Variants in MANBA observed in about 807,000 individuals in gnomAD.
The protein encoded by MANBA is mannosidase beta.
Under a neutral mutation model 111.1 loss-of-function variants are expected in MANBA, and 83 were observed. The observed-to-expected ratio is 0.75, with a 90% confidence interval of 0.63 to 0.90. The LOEUF (loss-of-function observed/expected upper bound fraction) is 0.90, where lower values mean the gene tolerates loss of function less well. Ranked by LOEUF, MANBA falls within the 40% of genes least tolerant of loss-of-function variation. MANBA has a pLI of 0.00. For synonymous variants in MANBA, 370 were observed against 378.7 expected, an observed-to-expected ratio of 0.98 and a Z score of 0.27; for missense variants, 1,036 against 1,069.0, an observed-to-expected ratio of 0.97 and a Z score of 0.43.
intron 10 of MANBA, 156 bp downstream of exon 10, chr4:102,668,807 C>A: frequency 1.5e-6 from 1 of 661,484 alleles, no homozygotes; most frequent in Non-Finnish European, 2.8e-6. Context: ...AAAGCCATGA[C>A]ACTGGGTACA....
Position 102,746,041 on chromosome 4 carries a change from A to G in MANBA, c.177+14677T>C, listed in dbSNP as rs553090919. Among the ~76,000 whole-genome samples the G allele has an allele frequency of 6.2e-4, 95 of 152,334 alleles. 1 individual carries two copies. Among genetic ancestry groups the G allele is most frequent in the African/African-American group, 2.2e-3 (92 of 41,570 alleles). On this transcript the variant is annotated intron_variant, in intron 1 of 16. Coordinates refer to ENST00000647097, the MANE Select transcript of MANBA (RefSeq NM_005908.4). ...AGAGGAGGCCATCACTGTTGCCTCC[A>G]GGCAGCGCATGGTTTATCTCCTCAG...
intron 16 of MANBA, among the ~76,000 whole-genome samples, chr4:102,633,872 C>T (rs1047202093): frequency 5.4e-5 from 8 of 149,344 alleles, no homozygotes; most frequent in Non-Finnish European, 1.0e-4. Context: ...TATTATGTGA[C>T]TATAGAAAGA....
In MANBA at chr4:102,760,880, C is replaced by T; in HGVS notation, c.15G>A (p.Leu5=). The change falls in exon 1 of 17, where the codon CTG becomes CTA. Residue 5 remains leucine (L), a synonymous_variant. Transcript: ENST00000647097. ...CACCGCACAGCGCGAGCAGCAGGAG[C>T]AGGTGGAGGCGCATCTTGAGATCCC... The part of the protein sequence containing the change: MRLH[L]LLLLALCGAG... 2 of 1,569,306 alleles carry T rather than the reference C, an allele frequency of 1.3e-6. No individual in the cohort carries two copies. Among genetic ancestry groups the T allele is most frequent in the South Asian group, 2.3e-5 (2 of 85,802 alleles).
rs1578939752 is a variant in MANBA at position 102,723,936 on chromosome 4, C to T, written c.304G>A (p.Gly102Arg). The T allele has an allele frequency of 6.2e-7, 1 of 1,610,300 alleles. No individual in the cohort carries two copies. Among genetic ancestry groups the T allele is most frequent in the East Asian group, 2.2e-5 (1 of 44,758 alleles). Residue 102 changes from glycine (G) to arginine (R), a missense_variant, in exon 3 of 17, where the codon GGA (glycine) becomes AGA (arginine). Coordinates refer to ENST00000647097, the MANE Select transcript of MANBA (RefSeq NM_005908.4). ...AGGATTTTTGAAACCGTATCCACTC[C>T]CTCAAGAATCAAATTTACTTTTTGC... ...KWQKVNLILE[G>R]VDTVSKILFN...
intron 1 of MANBA, among the ~76,000 whole-genome samples, chr4:102,753,484 G>T (rs1055088260): frequency 1.8e-4 from 28 of 152,204 alleles, no homozygotes; most frequent in Non-Finnish European, 3.4e-4. Flanking sequence ...CATGATAAAA[G>T]TAATATATCA....
chr4:102,718,422 G>A (rs938109830), intron 4 of MANBA, among the ~76,000 whole-genome samples: 2 of 151,940 alleles, frequency 1.3e-5, no homozygotes, highest in South Asian at 2.1e-4. Context: ...GCCTAGAGAG[G>A]GTATAAAATG....
At chr4:102,639,626 C>A in intron 14 of MANBA, 87 bp downstream of exon 14, 1 of 1,561,386 alleles carries the variant, frequency 6.4e-7, no homozygotes, top group Non-Finnish European at 8.8e-7. Context: ...CTGGGCTAAT[C>A]TGACCCCTCC....
chr4:102,683,214 G>A lies in MANBA; in HGVS notation c.960+6360C>T, dbSNP rs1732062584. ...TGAAAAAGAAAAAAAAATCCCAATT[G>A]TTTTTCTAATTGTAGTAGCCATGGA... On this transcript the variant is annotated intron_variant, in intron 7 of 16. Coordinates refer to ENST00000647097, the MANE Select transcript of MANBA (RefSeq NM_005908.4). Among the ~76,000 whole-genome samples, 5 of 151,514 alleles carry A rather than the reference G, an allele frequency of 3.3e-5. No homozygotes were observed. In the South Asian group the frequency reaches 1.0e-3, roughly 31 times the overall value.
At chr4:102,704,663 A>G (rs1733217524) in intron 5 of MANBA, among the ~76,000 whole-genome samples, 1 of 152,128 alleles carries the variant, frequency 6.6e-6, no homozygotes, top group Admixed American at 6.5e-5. Flanking sequence ...ACATTAGCTT[A>G]TTCTTTTATT....
At chr4:102,726,531 G>C in intron 2 of MANBA, 58 bp downstream of exon 2, 1 of 920,306 alleles carries the variant, frequency 1.1e-6, no homozygotes, top group South Asian at 1.4e-5. Context: ...TTTTTGCCCA[G>C]ATAGAAAAAG....
At chr4:102,691,514 C>CTT (rs544931674) in intron 5 of MANBA, among the ~76,000 whole-genome samples, 27 of 137,066 alleles carry the variant, frequency 2.0e-4, no homozygotes, top group African/African-American at 6.4e-4. Context: ...TTTCTTTTTC[C>CTT]TTTTTTTTTT....
intron 1 of MANBA, chr4:102,730,722 T>G (rs1560803333): frequency 5.7e-6 from 3 of 526,780 alleles, no homozygotes; most frequent in East Asian, 5.4e-5. Flanking sequence ...TCCCTACAGA[T>G]AGATGCTTCT....
In MANBA at chr4:102,750,661, C is replaced by A. The variant is rs142179758; in HGVS notation, c.177+10057G>T. 4.7e-3 allele frequency among the ~76,000 whole-genome samples: 723 copies of A among 152,242 alleles called. 5 individuals are homozygous for A. Among genetic ancestry groups the A allele is most frequent in the Middle Eastern group, 0.034 (10 of 294 alleles). ...GGAGCAGCGGTTCACACCTGTAATC[C>A]CTACACTTTGGGAGGCCGAGGTGGG... On this transcript the variant is annotated intron_variant, in intron 1 of 16. Coordinates refer to ENST00000647097, the MANE Select transcript of MANBA (RefSeq NM_005908.4).
At chr4:102,651,938 T>G (rs1383582473) in intron 12 of MANBA, among the ~76,000 whole-genome samples, 2 of 142,992 alleles carry the variant, frequency 1.4e-5, no homozygotes, top group African/African-American at 2.5e-5. Flanking sequence ...TTCCTCCTCT[T>G]AATTTATTTT....
chr4:102,664,474 G>A lies in MANBA; in HGVS notation c.1485+211C>T, dbSNP rs796652024. Among the ~76,000 whole-genome samples, 18 of 151,480 alleles carry A rather than the reference G, an allele frequency of 1.2e-4. 1 individual carries two copies. The highest frequency in any genetic ancestry group is 4.4e-4 in the African/African-American group (18 of 41,262). On this transcript the variant is annotated intron_variant, in intron 11 of 16. Coordinates refer to ENST00000647097, the MANE Select transcript of MANBA (RefSeq NM_005908.4). ...CGCCATGCTCCTGCCTCAGCCTCCC[G>A]AGTAGCTGGGACTACAGGCGCCCGC...
At chr4:102,654,274 T>A (rs1424374527) in intron 12 of MANBA, among the ~76,000 whole-genome samples, 1 of 152,152 alleles carries the variant, frequency 6.6e-6, no homozygotes, top group Non-Finnish European at 1.5e-5. Context: ...AACAACAGTA[T>A]TCCCAAAAGA....
At chr4:102,679,926 T>TAA (rs201793469) in intron 7 of MANBA, among the ~76,000 whole-genome samples, 2 of 140,070 alleles carry the variant, frequency 1.4e-5, no homozygotes, top group African/African-American at 5.2e-5. Flanking sequence ...CTCTGAGGTA[T>TAA]AAAAAAAAAA....
At chr4:102,725,333 T>C (rs1182693836) in intron 2 of MANBA, among the ~76,000 whole-genome samples, 2 of 152,086 alleles carry the variant, frequency 1.3e-5, no homozygotes, top group African/African-American at 4.8e-5. Context: ...TACCCTTTGC[T>C]CTTTGCAGGA....
chr4:102,657,407 G>C (rs1448951711), intron 12 of MANBA, among the ~76,000 whole-genome samples: 2 of 152,184 alleles, frequency 1.3e-5, no homozygotes, highest in Non-Finnish European at 2.9e-5. Context: ...AGTTATTGTA[G>C]CAAGTAAGAG....
Sources: allele counts gnomAD v4.1 joint callset (sites outside exome capture counted in the v4.1 genomes callset), GRCh38; gene constraint gnomAD v4.1.1; transcripts MANE v1.5; gene names NCBI Gene and HGNC (gene_info 2026-07-23, HGNC 2026-07-21).